Variants in ITPR2 observed in about 807,000 individuals in gnomAD.
ITPR2 encodes inositol 1,4,5-trisphosphate receptor type 2.
A neutral mutation model predicts 317.1 loss-of-function variants in ITPR2; 207 were observed. The ratio of observed to expected loss-of-function variants is 0.65; its 90% CI spans 0.58 to 0.73. The LOEUF is 0.73. ITPR2 is among the 30% of genes least tolerant of loss of function. The pLI is 0.00. For synonymous variants in ITPR2, 1,156 were observed against 1,149.1 expected, an observed-to-expected ratio of 1.01 and a Z score of -0.12; for missense variants, 2,613 against 3,284.0, an observed-to-expected ratio of 0.80 and a Z score of 4.99.
intron 13 of ITPR2, among the ~76,000 whole-genome samples, chr12:26,669,446 T>C (rs1185289410): frequency 1.3e-5 from 2 of 152,240 alleles, no homozygotes; most frequent in Admixed American, 6.5e-5. Context: ...ATTAAAAGTA[T>C]ACCTTAAGTG....
intron 55 of ITPR2, among the ~76,000 whole-genome samples, chr12:26,365,433 C>G (rs902103926): frequency 2.6e-5 from 4 of 152,026 alleles, no homozygotes; most frequent in Admixed American, 2.6e-4. Flanking sequence ...ACTGTATCCC[C>G]AGACTCATGA....
intron 2 of ITPR2, among the ~76,000 whole-genome samples, chr12:26,782,182 T>G (rs1274265692): frequency 2.6e-5 from 4 of 151,572 alleles, no homozygotes; most frequent in Admixed American, 6.6e-5. Flanking sequence ...TCTGTCCCTA[T>G]TAGAGAACGC....
At chr12:26,491,097 A>G (rs1395418160) in intron 39 of ITPR2, among the ~76,000 whole-genome samples, 1 of 152,172 alleles carries the variant, frequency 6.6e-6, no homozygotes, top group Admixed American at 6.5e-5. Context: ...GGAAAATTTG[A>G]AGAGATCATG....
intron 2 of ITPR2, among the ~76,000 whole-genome samples, chr12:26,782,002 A>G (rs1384409413): frequency 8.5e-5 from 2 of 23,564 alleles, no homozygotes; most frequent in African/African-American, 1.4e-4. Context: ...GTATATATAT[A>G]TATATATATA....
Position 26,414,041 on chromosome 12 carries a change from G to GTATATA in ITPR2, c.7306+1256_7306+1261dup, listed in dbSNP as rs570840795. ...GTTTTGGGAAGCAGATAGTCTACAT[G>GTATATA]TATATATGTACACACACACACACAC... On this transcript the variant is annotated intron_variant, in intron 51 of 56. Coordinates refer to ENST00000381340, the MANE Select transcript of ITPR2 (RefSeq NM_002223.4). Among the ~76,000 whole-genome samples, 10 of 61,684 alleles carry GTATATA rather than the reference G, an allele frequency of 1.6e-4. No individual in the cohort carries two copies. In the South Asian group the frequency reaches 2.2e-3, roughly 14 times the overall value. 40.5% of individuals were successfully genotyped at this position (61,684 alleles called of 152,430 possible). A position where few individuals can be genotyped will look rare whatever the true frequency, so the allele number is the denominator to read the frequency against.
chr12:26,542,035 G>A (rs540622852), intron 37 of ITPR2, among the ~76,000 whole-genome samples: 1 of 152,280 alleles, frequency 6.6e-6, no homozygotes, highest in East Asian at 1.9e-4. Context: ...CCCAACCTGG[G>A]CATTTGTAAA....
At chr12:26,447,118 A>G (rs1039962267) in intron 45 of ITPR2, among the ~76,000 whole-genome samples, 4 of 152,088 alleles carry the variant, frequency 2.6e-5, no homozygotes, top group Admixed American at 2.6e-4. Flanking sequence ...CTCAGCACTA[A>G]AAACAGAATT....
At chr12:26,717,565 T>C (rs959029845) in intron 5 of ITPR2, among the ~76,000 whole-genome samples, 2 of 152,116 alleles carry the variant, frequency 1.3e-5, no homozygotes, top group African/African-American at 4.8e-5. Context: ...TCATAGAAGC[T>C]CTCTATATAC....
intron 55 of ITPR2, among the ~76,000 whole-genome samples, chr12:26,345,733 C>T (rs1320482760): frequency 6.6e-6 from 1 of 152,192 alleles, no homozygotes; most frequent in East Asian, 1.9e-4. Context: ...ACAGAAGGCT[C>T]AATCTGAGCA....
chr12:26,523,716 A>G (rs1452897871), intron 37 of ITPR2, among the ~76,000 whole-genome samples: 1 of 152,230 alleles, frequency 6.6e-6, no homozygotes, highest in Non-Finnish European at 1.5e-5. Flanking sequence ...CAATTTATCA[A>G]TTTATGTGCA....
chr12:26,466,597 T>C (rs1392636220), intron 45 of ITPR2, among the ~76,000 whole-genome samples: 1 of 152,218 alleles, frequency 6.6e-6, no homozygotes, highest in Non-Finnish European at 1.5e-5. Context: ...ATTTAAAACA[T>C]AATTGAATCC....
intron 23 of ITPR2, among the ~76,000 whole-genome samples, chr12:26,625,171 A>G (rs559211374): frequency 1.3e-5 from 2 of 152,272 alleles, no homozygotes; most frequent in Admixed American, 6.5e-5. Context: ...AGACAGTAGA[A>G]TAAGAGTTAC....
In ITPR2 at chr12:26,742,383, T is replaced by C. The variant is rs149352136; in HGVS notation, c.164-16618A>G. Among the ~76,000 whole-genome samples, 20 of 152,358 alleles carry C rather than the reference T, an allele frequency of 1.3e-4. No individual in the cohort carries two copies. The East Asian group carries it at 2.3e-3, about 18-fold the overall frequency. On this transcript the variant is annotated intron_variant, in intron 2 of 56. Transcript: ENST00000381340. Reference sequence around the variant, plus strand: ...CAGAGTATGACGGAAAACCTGTCCATGTCCACACAAAACCTAATGTTAGGA... The same window carrying C: ...CAGAGTATGACGGAAAACCTGTCCACGTCCACACAAAACCTAATGTTAGGA...
chr12:26,346,539 C>G (rs1237951406), intron 55 of ITPR2, among the ~76,000 whole-genome samples: 4 of 151,842 alleles, frequency 2.6e-5, no homozygotes, highest in African/African-American at 9.7e-5. Context: ...AGGAGAATCG[C>G]TTGAACCCAG....
Position 26,336,291 on chromosome 12 carries a change from T to C in ITPR2, c.*3106A>G, listed in dbSNP as rs1322691336. ...GTGTGGGCTATACTGCCTTGCTGTT[T>C]GCAATGAAACAATTGTAAAATAAAG... On this transcript the variant is annotated 3_prime_UTR_variant, in exon 57 of 57. Coordinates refer to ENST00000381340, the MANE Select transcript of ITPR2 (RefSeq NM_002223.4). Among the ~76,000 whole-genome samples, 1 of 152,100 alleles carries C rather than the reference T, an allele frequency of 6.6e-6. No individual in the cohort carries two copies. Among genetic ancestry groups the C allele is most frequent in the Non-Finnish European group, 1.5e-5 (1 of 68,014 alleles).
At chr12:26,371,143 G>C (rs1939176881) in intron 55 of ITPR2, among the ~76,000 whole-genome samples, 1 of 152,196 alleles carries the variant, frequency 6.6e-6, no homozygotes, top group African/African-American at 2.4e-5. Context: ...CAGTGTGCCT[G>C]AATGTTTGAG....
intron 2 of ITPR2, among the ~76,000 whole-genome samples, chr12:26,740,537 C>T (rs570423022): frequency 1.4e-3 from 208 of 152,184 alleles, no homozygotes; most frequent in Non-Finnish European, 2.4e-3. Context: ...TTCATTCCGC[C>T]GTATAAGGTG....
chr12:26,390,509 A>G (rs1939800247), intron 54 of ITPR2, among the ~76,000 whole-genome samples: 2 of 152,212 alleles, frequency 1.3e-5, no homozygotes, highest in African/African-American at 4.8e-5. Context: ...AAAAGCCCAC[A>G]TATTATGATC....
chr12:26,452,872 G>A (rs1941773864), intron 45 of ITPR2, among the ~76,000 whole-genome samples: 2 of 152,060 alleles, frequency 1.3e-5, no homozygotes, highest in Middle Eastern at 3.4e-3. Context: ...TAATTACCCA[G>A]TCTCGGGTAC....
Sources: allele counts gnomAD v4.1 joint callset (sites outside exome capture counted in the v4.1 genomes callset), GRCh38; gene constraint gnomAD v4.1.1; transcripts MANE v1.5; gene names NCBI Gene and HGNC (gene_info 2026-07-23, HGNC 2026-07-21).